TRIM23: variants seen among roughly 807,000 people sequenced by gnomAD.
The protein encoded by TRIM23 is tripartite motif containing 23.
Under a neutral mutation model 71.0 loss-of-function variants are expected in TRIM23, and 27 were observed. The observed-to-expected ratio is 0.38, with a 90% CI of 0.28 to 0.52. TRIM23 has a LOEUF of 0.52. Among genes scored for constraint, TRIM23 ranks in the 20% least tolerant of loss-of-function variants. The probability of loss-of-function intolerance (pLI) is 0.84; values close to 1 mark genes in which losing one functional copy is unlikely to be tolerated. For missense variants in TRIM23, 482 were observed against 692.3 expected, an observed-to-expected ratio of 0.70 and a Z score of 3.41; for synonymous variants, 234 against 238.0, an observed-to-expected ratio of 0.98 and a Z score of 0.16.
In TRIM23 at chr5:65,611,712, G is replaced by C. The variant is rs775774637; in HGVS notation, c.536C>G (p.Ser179Cys). The change falls in exon 4 of 11, where the codon TCT becomes TGT. Residue 179 changes from serine (S) to cysteine (C), a missense_variant. By Grantham distance (112) the Ser-to-Cys change is moderately radical (BLOSUM62 -1). This residue lies in a region of TRIM23 where 307 missense variants were observed against 495.8 expected (regional missense o/e 0.62). Coordinates refer to ENST00000231524, the MANE Select transcript of TRIM23 (RefSeq NM_001656.4). ...ADKPHEKTMC[S>C]QHQVHAIEFV... Reference sequence around the variant, plus strand: ...CTCAATGGCATGCACCTGGTGCTGAGAGCACATAGTTTTCTCATGAGGTTT... The same window carrying C: ...CTCAATGGCATGCACCTGGTGCTGACAGCACATAGTTTTCTCATGAGGTTT... 6.8e-6 allele frequency: 11 copies of C among 1,614,178 alleles called. No homozygotes were observed. Among genetic ancestry groups the C allele is most frequent in the Non-Finnish European group, 5.9e-6 (7 of 1,180,042 alleles).
At chr5:65,623,210 A>T (rs1049835089) in intron 1 of TRIM23, among the ~76,000 whole-genome samples, 1 of 152,194 alleles carries the variant, frequency 6.6e-6, no homozygotes, top group Admixed American at 6.5e-5. Flanking sequence ...AACTTCATAT[A>T]TTACCTTGAT....
In TRIM23 at chr5:65,597,158, G is replaced by C; in HGVS notation, c.1202C>G (p.Pro401Arg). The change falls in exon 8 of 11, where the codon CCA becomes CGA. Residue 401 changes from proline to arginine, a missense_variant. By Grantham distance (103) the Pro-to-Arg change is moderately radical (BLOSUM62 -2). Around this residue, in one of 2 missense-constraint regions of TRIM23, gnomAD observed 307 missense variants for 495.8 expected, o/e 0.62. Coordinates refer to ENST00000231524, the MANE Select transcript of TRIM23 (RefSeq NM_001656.4). ...FTKDNRVHIG[P>R]KMEIRVVTLG... is the part of the protein sequence containing the mutation. ...CGTAACGACCCGAATTTCCATTTTT[G>C]GTCCAATGTGAACTCGATTATCCTA... The C allele has an allele frequency of 6.2e-7, 1 of 1,613,938 alleles. No individual in the cohort carries two copies.
At chr5:65,606,882 A>G (rs1335044495) in intron 6 of TRIM23, 1 of 152,206 alleles carries the variant, frequency 6.6e-6, no homozygotes, top group Non-Finnish European at 1.5e-5. Flanking sequence ...TTACTTAGAT[A>G]TGGTTATGGT....
At chr5:65,611,999 T>C in intron 3 of TRIM23, 118 bp from the exon 4 acceptor site, 1 of 978,184 alleles carries the variant, frequency 1.0e-6, no homozygotes, top group Non-Finnish European at 1.5e-6. Flanking sequence ...CATATGAAAA[T>C]ATATTGGTCA....
At chr5:65,596,223 TG>T (rs1754202538) in intron 9 of TRIM23, among the ~76,000 whole-genome samples, 197 bp downstream of exon 9, 1 of 152,174 alleles carries the variant, frequency 6.6e-6, no homozygotes, top group African/African-American at 2.4e-5. Flanking sequence ...TCTGTAATAA[TG>T]GTATATCAGG....
chr5:65,602,134 A>C (rs919683336), intron 7 of TRIM23, among the ~76,000 whole-genome samples: 1 of 152,172 alleles, frequency 6.6e-6, no homozygotes, highest in Non-Finnish European at 1.5e-5. Flanking sequence ...TCCATTGCAC[A>C]ATCAGGATGC....
chr5:65,606,050 A>G (rs1314021340), intron 6 of TRIM23, among the ~76,000 whole-genome samples: 1 of 152,180 alleles, frequency 6.6e-6, no homozygotes, highest in East Asian at 1.9e-4. Context: ...GCCTTCTTTC[A>G]ATCTATTTTA....
intron 1 of TRIM23, among the ~76,000 whole-genome samples, chr5:65,619,240 T>C (rs1318064945): frequency 1.3e-5 from 2 of 152,166 alleles, no homozygotes; most frequent in South Asian, 2.1e-4. Flanking sequence ...AACTGTTTCA[T>C]GTCTCTTCAT....
At chr5:65,610,659 C>T (rs931247454) in intron 5 of TRIM23, among the ~76,000 whole-genome samples, 2 of 152,190 alleles carry the variant, frequency 1.3e-5, no homozygotes, top group Non-Finnish European at 1.5e-5. Context: ...CCCTGTACTT[C>T]TCCTCCATAA....
At chr5:65,592,474 ACCT>A (rs1470174500) in intron 10 of TRIM23, among the ~76,000 whole-genome samples, 1 of 151,968 alleles carries the variant, frequency 6.6e-6, no homozygotes, top group Non-Finnish European at 1.5e-5. Context: ...TGATCCACCA[ACCT>A]CAGCCTCCCA....
Position 65,591,694 on chromosome 5 carries a change from G to T in TRIM23, c.*75C>A. ...ATCCTAAATTACCATCTTTTGAGAT[G>T]TATAATTTCTTAAAACATACTATGT... On this transcript the variant is annotated 3_prime_UTR_variant, in exon 11 of 11. Coordinates refer to ENST00000231524, the MANE Select transcript of TRIM23 (RefSeq NM_001656.4). The T allele has an allele frequency of 7.3e-7, 1 of 1,368,106 alleles. No homozygotes were observed. Among genetic ancestry groups the T allele is most frequent in the Non-Finnish European group, 9.7e-7 (1 of 1,032,190 alleles). 84.7% of individuals were successfully genotyped at this position (1,368,106 alleles called of 1,614,324 possible).
intron 6 of TRIM23, among the ~76,000 whole-genome samples, chr5:65,605,318 A>G (rs1754466657): frequency 6.6e-6 from 1 of 152,184 alleles, no homozygotes; most frequent in Admixed American, 6.5e-5. Flanking sequence ...CACAAACATA[A>G]TGTGGAGTAT....
chr5:65,603,359 G>A (rs928010042), intron 7 of TRIM23, among the ~76,000 whole-genome samples: 2 of 151,972 alleles, frequency 1.3e-5, no homozygotes, highest in African/African-American at 4.8e-5. Flanking sequence ...CCTTGCAGCT[G>A]GAAAAAGGAA....
intron 3 of TRIM23, 43 bp from the exon 4 acceptor site, chr5:65,611,924 G>C: frequency 1.3e-6 from 2 of 1,553,324 alleles, no homozygotes; most frequent in Non-Finnish European, 1.7e-6. Flanking sequence ...AACCCAATCA[G>C]TATAACATGA....
rs1440416743 is a variant in TRIM23 at position 65,610,840 on chromosome 5, AAG to A, written c.828+19_828+20del. On this transcript the variant is annotated intron_variant, in intron 5 of 10. Coordinates refer to ENST00000231524, the MANE Select transcript of TRIM23 (RefSeq NM_001656.4). ...AAAAATAAAAAAGAATGAGAAAGTGAAGAAGAAAAAAAATCCATACATGTTCT... is the reference window on the plus strand; with the variant it reads ...AAAAATAAAAAAGAATGAGAAAGTGAAAGAAAAAAAATCCATACATGTTCT... 1 of 1,552,330 alleles carries A rather than the reference AAG, an allele frequency of 6.4e-7. No individual in the cohort carries two copies. Among genetic ancestry groups the A allele is most frequent in the Non-Finnish European group, 8.7e-7 (1 of 1,153,244 alleles).
chr5:65,590,995 T>C lies in TRIM23; in HGVS notation c.*774A>G. 4.1e-6 allele frequency: 4 copies of C among 985,840 alleles called. No individual in the cohort carries two copies. The highest frequency in any genetic ancestry group is 4.8e-6 in the Non-Finnish European group (4 of 830,228). The allele number at this position is 985,840 out of a possible 1,614,324, so 61.1% of individuals were successfully genotyped here. ...ATTTGTTGAAAAATAGAAGGACCAA[T>C]TTAGAGCTCTGACCTAGGTTCAGTC... On this transcript the variant is annotated 3_prime_UTR_variant, in exon 11 of 11. Transcript: ENST00000231524.
chr5:65,592,509 G>A (rs1253266724), intron 10 of TRIM23, among the ~76,000 whole-genome samples: 2 of 151,782 alleles, frequency 1.3e-5, no homozygotes, highest in East Asian at 1.9e-4. Context: ...TTGCAGGCAT[G>A]AGCCACCACG....
chr5:65,615,645 C>G (rs1273216509), intron 2 of TRIM23, among the ~76,000 whole-genome samples: 1 of 152,068 alleles, frequency 6.6e-6, no homozygotes, highest in Non-Finnish European at 1.5e-5. Flanking sequence ...TATTCTACAA[C>G]AAGCTGAGTT....
rs778821250 is a variant in TRIM23 at position 65,609,265 on chromosome 5, T to C, written c.1022A>G (p.His341Arg). ...TACCTGCTGCAAAGTCTTTTCACAG[T>C]GGAGGCAGGCTGCAGAAACCTCTGA... is the stretch of plus-strand genomic sequence containing the variant. ...LLSEVSAACL[H>R]CEKTLQQDDC... The change falls in exon 6 of 11, where the codon CAC becomes CGC. Residue 341 changes from histidine (H) to arginine (R), a missense_variant. Transcript: ENST00000231524. 7 of 1,614,158 alleles carry C rather than the reference T, an allele frequency of 4.3e-6. 1 individual carries two copies. In the South Asian group the frequency reaches 7.7e-5, roughly 18 times the overall value.
Sources: gnomAD v4.1 joint callset for allele counts (sites outside exome capture counted in the v4.1 genomes callset) on GRCh38, gnomAD v4.1.1 for gene constraint, gnomAD v4.1.1 regional missense constraint, MANE v1.5 for transcripts, NCBI Gene and HGNC (gene_info 2026-07-23, HGNC 2026-07-21) for gene names.